Variants in ZFPM2 observed in about 807,000 individuals in gnomAD.
The protein encoded by ZFPM2 is zinc finger protein, FOG family member 2.
In ZFPM2, 20 loss-of-function variants were observed where a neutral mutation model predicts 98.6. The ratio of observed to expected loss-of-function variants is 0.20; its 90% CI spans 0.14 to 0.29. The LOEUF is 0.29. Among genes scored for constraint, ZFPM2 ranks in the 10% least tolerant of loss-of-function variants. The probability of loss-of-function intolerance (pLI) is 1.00; values close to 1 mark genes in which losing one functional copy is unlikely to be tolerated. For missense variants in ZFPM2, 1,310 were observed against 1,388.6 expected (o/e 0.94, Z 0.90); for synonymous variants, 518 against 502.7 (o/e 1.03, Z -0.41).
chr8:105,599,427 T>C (rs1339846540), intron 4 of ZFPM2, among the ~76,000 whole-genome samples: 1 of 149,726 alleles, frequency 6.7e-6, no homozygotes, highest in African/African-American at 2.4e-5. Flanking sequence ...TGGTGTTCCC[T>C]AAGGGTTGTG....
chr8:105,465,948 A>G (rs1812788802), intron 3 of ZFPM2, among the ~76,000 whole-genome samples: 1 of 151,958 alleles, frequency 6.6e-6, no homozygotes, highest in African/African-American at 2.4e-5. Context: ...ATTTAACAAA[A>G]TTTTTCTTAA....
intron 3 of ZFPM2, among the ~76,000 whole-genome samples, chr8:105,482,676 T>A (rs1428697138): frequency 6.6e-6 from 1 of 152,206 alleles, no homozygotes; most frequent in Non-Finnish European, 1.5e-5. Flanking sequence ...TATAGTCTTC[T>A]TCCAAATATG....
intron 5 of ZFPM2, among the ~76,000 whole-genome samples, chr8:105,746,108 A>G (rs905826754): frequency 1.3e-5 from 2 of 152,022 alleles, no homozygotes; most frequent in Non-Finnish European, 2.9e-5. Context: ...TTTGAAGTGT[A>G]GGGAATGTGT....
At chr8:105,621,949 A>G (rs1350880964) in intron 4 of ZFPM2, among the ~76,000 whole-genome samples, 1 of 152,148 alleles carries the variant, frequency 6.6e-6, no homozygotes, top group Admixed American at 6.6e-5. Context: ...GCTGCACCAC[A>G]TGAAAGAGGG....
In ZFPM2 at chr8:105,801,280, T is replaced by C; in HGVS notation, c.1198T>C (p.Ser400Pro). 1.2e-6 allele frequency: 2 copies of C among 1,613,712 alleles called. No individual in the cohort carries two copies. The highest frequency in any genetic ancestry group is 1.7e-6 in the Non-Finnish European group (2 of 1,179,844). ...KLPRESDMEH[S>P]PSATEDSLQP... ...TCCCAGAGAAAGTGACATGGAACACTCTCCAAGTGCAACTGAAGACAGCTT... is the reference window on the plus strand; with the variant it reads ...TCCCAGAGAAAGTGACATGGAACACCCTCCAAGTGCAACTGAAGACAGCTT... Residue 400 changes from serine (S) to proline (P), a missense_variant, in exon 8 of 8, where the codon TCT becomes CCT. Transcript: ENST00000407775.
At chr8:105,534,780 G>T (rs1814413852) in intron 3 of ZFPM2, among the ~76,000 whole-genome samples, 1 of 152,108 alleles carries the variant, frequency 6.6e-6, no homozygotes, top group Non-Finnish European at 1.5e-5. Flanking sequence ...GACTTAAGAG[G>T]CCTGAGAAGA....
chr8:105,780,377 T>A (rs1006703522), intron 5 of ZFPM2: 30 of 152,352 alleles, frequency 2.0e-4, no homozygotes, highest in African/African-American at 6.5e-4. Flanking sequence ...GCATTACTAT[T>A]GATCATTCCT....
At chr8:105,355,926 T>C (rs548697552) in intron 1 of ZFPM2, among the ~76,000 whole-genome samples, 1 of 152,232 alleles carries the variant, frequency 6.6e-6, no homozygotes, top group African/African-American at 2.4e-5. Flanking sequence ...GGTGAAAATG[T>C]ATGCTTCTTG....
intron 3 of ZFPM2, among the ~76,000 whole-genome samples, chr8:105,476,590 C>T (rs894264357): frequency 3.3e-5 from 5 of 152,032 alleles, no homozygotes; most frequent in Non-Finnish European, 7.4e-5. Flanking sequence ...TAGTGTCATA[C>T]GCAATTTTCA....
chr8:105,670,210 A>C (rs1817563880), intron 5 of ZFPM2, among the ~76,000 whole-genome samples: 1 of 152,128 alleles, frequency 6.6e-6, no homozygotes, highest in Non-Finnish European at 1.5e-5. Flanking sequence ...TTAAGAGCTG[A>C]AACTGGCCAG....
chr8:105,686,317 T>G (rs142991577), intron 5 of ZFPM2, among the ~76,000 whole-genome samples: 163 of 152,224 alleles, frequency 1.1e-3, no homozygotes, highest in African/African-American at 3.8e-3. Flanking sequence ...TACCATTTAC[T>G]TGATTTTTTT....
intron 4 of ZFPM2, among the ~76,000 whole-genome samples, chr8:105,619,762 A>G (rs1816495732): frequency 1.4e-5 from 2 of 146,018 alleles, no homozygotes; most frequent in African/African-American, 2.6e-5. Context: ...GTTCCCACCT[A>G]TGAGTGAGAA....
chr8:105,549,454 T>C (rs1814790465), intron 3 of ZFPM2, among the ~76,000 whole-genome samples: 1 of 151,870 alleles, frequency 6.6e-6, no homozygotes, highest in Admixed American at 6.6e-5. Context: ...TTGGTGTCCT[T>C]TACACTTGTT....
intron 5 of ZFPM2, among the ~76,000 whole-genome samples, chr8:105,692,319 A>G (rs868402099): frequency 7.9e-5 from 12 of 152,316 alleles, no homozygotes; most frequent in South Asian, 4.1e-4. Context: ...GTGTGTTATA[A>G]TGACTACAAT....
rs201450013 is a variant in ZFPM2 at position 105,534,141 on chromosome 8, T to C, written c.302-27222T>C. On this transcript the variant is annotated intron_variant, in intron 3 of 7. Transcript: ENST00000407775. ...TCCCTTCCTTCCTCCCTTCCTTCCT[T>C]TCTTCCTTCCTCCCTCCTTTCTCTC... 7.2e-3 allele frequency among the ~76,000 whole-genome samples: 427 copies of C among 59,660 alleles called. 14 individuals carry two copies. Among genetic ancestry groups the C allele is most frequent in the East Asian group, 0.035 (64 of 1,834 alleles). The allele number at this position is 59,660 out of a possible 152,430, so 39.1% of individuals were successfully genotyped here. A position where few individuals can be genotyped will look rare whatever the true frequency, so the allele number is the denominator to read the frequency against.
chr8:105,678,682 G>A (rs181180575), intron 5 of ZFPM2: 6 of 152,164 alleles, frequency 3.9e-5, no homozygotes, highest in East Asian at 1.9e-4. Context: ...TTTATCCTCC[G>A]GTTTTCTCTC....
intron 3 of ZFPM2, among the ~76,000 whole-genome samples, chr8:105,537,236 A>G (rs901672490): frequency 6.6e-6 from 1 of 152,224 alleles, no homozygotes; most frequent in African/African-American, 2.4e-5. Flanking sequence ...TTAGTTACCA[A>G]TTCTTCCTTT....
intron 5 of ZFPM2, among the ~76,000 whole-genome samples, chr8:105,722,629 C>A (rs1157507828): frequency 1.3e-5 from 2 of 151,718 alleles, no homozygotes; most frequent in African/African-American, 2.4e-5. Flanking sequence ...AGAGGAAATA[C>A]ACTTGCTATT....
chr8:105,454,008 A>T (rs1458190475), intron 3 of ZFPM2, among the ~76,000 whole-genome samples: 2 of 152,178 alleles, frequency 1.3e-5, no homozygotes, highest in African/African-American at 4.8e-5. Context: ...AACACATAAA[A>T]ATATTCTTAA....
Sources: gnomAD v4.1 joint callset for allele counts (sites outside exome capture counted in the v4.1 genomes callset) on GRCh38, gnomAD v4.1.1 for gene constraint, MANE v1.5 for transcripts, NCBI Gene and HGNC (gene_info 2026-07-23, HGNC 2026-07-21) for gene names.